The following RSPH10B2 variants were observed in gnomAD, a reference collection of about 807,000 sequenced individuals.
RSPH10B2 encodes radial spoke head 10 homolog B2, also known as radial spoke head 10 homolog B2 (Chlamydomonas).
Under a neutral mutation model 49.0 loss-of-function variants are expected in RSPH10B2, and 9 were observed. The ratio of observed to expected loss-of-function variants is 0.18; its 90% CI spans 0.11 to 0.32. RSPH10B2 has a LOEUF of 0.32. Among genes scored for constraint, RSPH10B2 ranks in the 10% least tolerant of loss-of-function variants. The pLI is 1.00. For synonymous variants in RSPH10B2, 35 were observed against 210.2 expected (o/e 0.17, Z 7.21); for missense variants, 95 against 589.9 (o/e 0.16, Z 8.69).
upstream of RSPH10B2, among the ~76,000 whole-genome samples, chr7:6,756,395 TG>T (rs1437631379): frequency 1.1e-4 from 8 of 73,030 alleles, no homozygotes; most frequent in East Asian, 3.9e-3. Context: ...TGTTTTGTTT[TG>T]TTTTTTTTGA....
rs746541740 is a variant in RSPH10B2 at position 6,776,873 on chromosome 7, T to TCACACACA, written c.1414+374_1414+381dup. Reference sequence around the variant, plus strand: ...GCCTGGGTGACAGGGCGAGACTCCATCACACACACACACACACACACACAC... The same window carrying TCACACACA: ...GCCTGGGTGACAGGGCGAGACTCCATCACACACACACACACACACACACACACACACAC... On this transcript the variant is annotated intron_variant, in intron 10 of 18. Transcript: ENST00000297186. Among the ~76,000 whole-genome samples the TCACACACA allele has an allele frequency of 9.5e-3, 1,058 of 111,030 alleles. 5 individuals carry two copies. Among genetic ancestry groups the TCACACACA allele is most frequent in the Non-Finnish European group, 0.012 (671 of 54,378 alleles). The allele number at this position is 111,030 out of a possible 152,430, so 72.8% of individuals were successfully genotyped here. A position where few individuals can be genotyped will look rare whatever the true frequency, so the allele number is the denominator to read the frequency against.
chr7:6,794,254 TG>T (rs1241310574), intron 17 of RSPH10B2: 2 of 153,766 alleles, frequency 1.3e-5, no homozygotes, highest in Non-Finnish European at 2.9e-5. Flanking sequence ...CACGTGGCAC[TG>T]TCCTCCCCAG....
rs1163972347 is a variant in RSPH10B2, at chr7:6,781,864, TA to T, written c.1758+394del. On this transcript the variant is annotated intron_variant, in intron 13 of 18. Transcript: ENST00000297186. ...TTATATATGCCATGGGCCATTGTCTTAAAAAATATATATATATATAAATATA... is the reference window on the plus strand; with the variant it reads ...TTATATATGCCATGGGCCATTGTCTTAAAAATATATATATATATAAATATA... Among the ~76,000 whole-genome samples, 6 of 106,492 alleles carry T rather than the reference TA, an allele frequency of 5.6e-5. 1 individual carries two copies. The highest frequency in any genetic ancestry group is 1.1e-4 in the Admixed American group (1 of 9,024). 69.9% of individuals were successfully genotyped at this position (106,492 alleles called of 152,430 possible). A position where few individuals can be genotyped will look rare whatever the true frequency, so the allele number is the denominator to read the frequency against.
At chr7:6,783,841 T>TA (rs1782037302) in intron 13 of RSPH10B2, among the ~76,000 whole-genome samples, 8 of 123,742 alleles carry the variant, frequency 6.5e-5, no homozygotes, top group Admixed American at 1.7e-4. Context: ...TAATAATAAT[T>TA]ATTATTATTA....
intron 1 of RSPH10B2, among the ~76,000 whole-genome samples, chr7:6,758,541 C>T (rs1250549723): frequency 3.8e-4 from 48 of 125,492 alleles, no homozygotes; most frequent in African/African-American, 7.1e-4. Flanking sequence ...GTTGTACGAC[C>T]GTCTATTAAA....
At chr7:6,756,026 T>TC (rs1394783958), upstream of RSPH10B2, among the ~76,000 whole-genome samples, 2 of 149,918 alleles carry the variant, frequency 1.3e-5, no homozygotes, top group South Asian at 4.2e-4. Context: ...TCCCAGCACT[T>TC]TGGAGGCCAA....
intron 17 of RSPH10B2, among the ~76,000 whole-genome samples, chr7:6,793,549 A>G (rs1439766902): frequency 8.2e-6 from 1 of 122,594 alleles, no homozygotes; most frequent in Non-Finnish European, 1.7e-5. Flanking sequence ...CCCAGTTAGG[A>G]AAATCTCTTC....
At chr7:6,763,514 C>T (rs1216656741) in intron 3 of RSPH10B2, among the ~76,000 whole-genome samples, 19 of 122,440 alleles carry the variant, frequency 1.6e-4, no homozygotes, top group Admixed American at 5.1e-4. Context: ...CTCAAATTCC[C>T]GGCCTCAAGC....
chr7:6,752,854 C>T (rs1240402558), upstream of RSPH10B2, among the ~76,000 whole-genome samples: 1 of 106,644 alleles, frequency 9.4e-6, no homozygotes, highest in Non-Finnish European at 1.9e-5. Context: ...AAGTGATTCT[C>T]CCACCTCAGC....
At chr7:6,786,398 G>A (rs1474595320) in intron 14 of RSPH10B2, among the ~76,000 whole-genome samples, 1 of 118,300 alleles carries the variant, frequency 8.5e-6, no homozygotes, top group Non-Finnish European at 1.7e-5. Flanking sequence ...GTTTCACCGT[G>A]TTAGCCAGGA....
intron 16 of RSPH10B2, among the ~76,000 whole-genome samples, chr7:6,791,461 T>C (rs1782325111): frequency 6.8e-6 from 1 of 148,128 alleles, no homozygotes; most frequent in Admixed American, 6.8e-5. Flanking sequence ...ATAGTCAAAT[T>C]GGCTGGGTGT....
intron 3 of RSPH10B2, among the ~76,000 whole-genome samples, chr7:6,763,577 G>A (rs1781317233): frequency 7.8e-6 from 1 of 127,800 alleles, no homozygotes; most frequent in Non-Finnish European, 1.7e-5. Context: ...GTGAGCCACT[G>A]CACCTTGCCA....
intron 17 of RSPH10B2, among the ~76,000 whole-genome samples, chr7:6,793,287 A>G (rs1169320648): frequency 1.8e-5 from 2 of 114,148 alleles, no homozygotes; most frequent in African/African-American, 7.1e-5. Context: ...CCCGGGCCCA[A>G]GTGATCTTCC....
At chr7:6,786,349 ATT>A (rs750188511) in intron 14 of RSPH10B2, among the ~76,000 whole-genome samples, 4 of 105,142 alleles carry the variant, frequency 3.8e-5, no homozygotes. Context: ...CGCCCGGCTA[ATT>A]TTTTTTTTTT....
chr7:6,797,158 A>C (rs1260225439), intron 18 of RSPH10B2, among the ~76,000 whole-genome samples: 1 of 142,812 alleles, frequency 7.0e-6, no homozygotes, highest in Non-Finnish European at 1.5e-5. Flanking sequence ...ACAAGCATGC[A>C]CCACCACGCC....
intron 7 of RSPH10B2, among the ~76,000 whole-genome samples, chr7:6,770,878 C>T (rs1310451927): frequency 1.3e-5 from 2 of 149,450 alleles, no homozygotes; most frequent in Non-Finnish European, 3.0e-5. Context: ...GCACTCCAGC[C>T]TGGGCACAGA....
Position 6,782,915 on chromosome 7 carries a change from T to C in RSPH10B2, c.1758+1439T>C, listed in dbSNP as rs576644512. On this transcript the variant is annotated intron_variant, in intron 13 of 18. Transcript: ENST00000297186. ...AAACTAAGGAAGTGGGGAGGATGGA[T>C]ATCATTTAAAACAATTACAGTTTAT... Among the ~76,000 whole-genome samples, 18 of 125,428 alleles carry C rather than the reference T, an allele frequency of 1.4e-4. 2 individuals are homozygous for C. In the South Asian group the frequency reaches 5.8e-3, roughly 41 times the overall value. 82.3% of individuals were successfully genotyped at this position (125,428 alleles called of 152,430 possible).
intron 7 of RSPH10B2, among the ~76,000 whole-genome samples, chr7:6,770,007 A>G: frequency 4.6e-5 from 1 of 21,588 alleles, no homozygotes; most frequent in Non-Finnish European, 9.1e-5. Context: ...CAGAGAATCT[A>G]GTGTCGTCTG....
rs540076985 is a variant in RSPH10B2 at position 6,781,492 on chromosome 7, C to T, written c.1758+16C>T. 10 of 1,208,350 alleles carry T rather than the reference C, an allele frequency of 8.3e-6. 1 individual carries two copies. Among genetic ancestry groups the T allele is most frequent in the African/African-American group, 1.9e-5 (1 of 51,992 alleles). 74.9% of individuals were successfully genotyped at this position (1,208,350 alleles called of 1,614,324 possible). ...GATGCTGAAAGTAACCACCTAAGTT[C>T]GATATTGGCTTTCTATTTACAGGCA... On this transcript the variant is annotated intron_variant, in intron 13 of 18. Coordinates refer to ENST00000297186, the Ensembl canonical transcript of RSPH10B2.
Sources: gnomAD v4.1 joint callset for allele counts (sites outside exome capture counted in the v4.1 genomes callset) on GRCh38, gnomAD v4.1.1 for gene constraint, MANE v1.5 for transcripts, NCBI Gene and HGNC (gene_info 2026-07-23, HGNC 2026-07-21) for gene names.